The following CNTN2 variants were observed in gnomAD, a reference collection of about 807,000 sequenced individuals.
The protein encoded by CNTN2 is contactin-2.
In CNTN2, 53 loss-of-function variants were observed where a neutral mutation model predicts 117.5. The ratio of observed to expected loss-of-function variants is 0.45; its 90% confidence interval spans 0.36 to 0.57. The LOEUF is 0.57. CNTN2 is among the 20% of genes least tolerant of loss of function. CNTN2 has a pLI of 0.00. For synonymous variants in CNTN2, 530 were observed against 561.7 expected (o/e 0.94, Z 0.80); for missense variants, 1,106 against 1,404.3 (o/e 0.79, Z 3.39).
chr1:205,061,032 A>C lies in CNTN2; in HGVS notation c.798-213A>C. 1.9e-6 allele frequency: 1 copy of C among 536,822 alleles called. No homozygotes were observed. The highest frequency in any genetic ancestry group is 3.3e-6 in the Non-Finnish European group (1 of 305,244). 33.3% of individuals were successfully genotyped at this position (536,822 alleles called of 1,614,324 possible). On this transcript the variant is annotated intron_variant, in intron 7 of 22. Transcript: ENST00000331830. The surrounding 1 kb of genome is among the most constrained non-coding windows in gnomAD (Gnocchi z 4.8). ...CAGGGTTGTTGCAGGGGGGATGGGTAGAGCAGCCCTGCCTCTTGCCCCTTC... is the reference window on the plus strand; with the variant it reads ...CAGGGTTGTTGCAGGGGGGATGGGTCGAGCAGCCCTGCCTCTTGCCCCTTC...
chr1:205,058,236 G>A lies in CNTN2; in HGVS notation c.271G>A (p.Val91Met), dbSNP rs756428097. The A allele has an allele frequency of 4.9e-5, 77 of 1,564,868 alleles. No homozygotes were observed. The highest frequency in any genetic ancestry group is 1.5e-4 in the South Asian group (12 of 81,760). ...KLEPGSRHQLVGGNLVIMNPT... is the reference protein window; with the variant it reads ...KLEPGSRHQLMGGNLVIMNPT... ...GGAGCCAGGTTCCCGTCACCAGCTGGTGGGGGGCAACCTGGTCATCATGAA... is the reference window on the plus strand; with the variant it reads ...GGAGCCAGGTTCCCGTCACCAGCTGATGGGGGGCAACCTGGTCATCATGAA... The change falls in exon 4 of 23, where the codon GTG becomes ATG. Residue 91 changes from valine (V) to methionine (M), a missense_variant. Physicochemically the swap from Val to Met is conservative, Grantham distance 21. Coordinates refer to ENST00000331830, the MANE Select transcript of CNTN2 (RefSeq NM_005076.5). This position sits in a 1 kb window ranked among gnomAD's most constrained non-coding sequence, Gnocchi z 4.3.
rs1344189346 is a variant in CNTN2, at chr1:205,048,329, G to T, written c.-86-4771G>T. Among the ~76,000 whole-genome samples, 1 of 150,972 alleles carries T rather than the reference G, an allele frequency of 6.6e-6. No individual in the cohort carries two copies. The highest frequency in any genetic ancestry group is 1.5e-5 in the Non-Finnish European group (1 of 67,996). ...GGGCCTTATCCCAGAAAACCTTGTCGTGTGTTGGAGCCCCACTCATAGCCT... is the reference window on the plus strand; with the variant it reads ...GGGCCTTATCCCAGAAAACCTTGTCTTGTGTTGGAGCCCCACTCATAGCCT... On this transcript the variant is annotated intron_variant, in intron 1 of 22. Transcript: ENST00000331830. This position sits in a 1 kb window ranked among gnomAD's most constrained non-coding sequence, Gnocchi z 4.1.
At chr1:205,068,516 G>A (rs1214910961) in intron 16 of CNTN2, 2 of 152,210 alleles carry the variant, frequency 1.3e-5, no homozygotes, top group South Asian at 2.1e-4. Flanking sequence ...GAGAAATGAG[G>A]GGACTCCTTT....
chr1:205,068,689 T>G (rs913339182), intron 16 of CNTN2: 1 of 152,208 alleles, frequency 6.6e-6, no homozygotes, highest in Non-Finnish European at 1.5e-5. Context: ...TGGGCCTCAG[T>G]CTTTCCACCC....
At chr1:205,049,397 A>G (rs2096448380) in intron 1 of CNTN2, among the ~76,000 whole-genome samples, 1 of 151,800 alleles carries the variant, frequency 6.6e-6, no homozygotes, top group African/African-American at 2.4e-5. Flanking sequence ...ACACATATAT[A>G]CATATACATA....
rs543467450 is a variant in CNTN2 at position 205,058,460 on chromosome 1, C to G, written c.391+104C>G. Reference sequence around the variant, plus strand: ...ACACCCTCAAGCCGGGCCTTCCTGACCTCACATGACATGCCTTAGTGAACT... The same window carrying G: ...ACACCCTCAAGCCGGGCCTTCCTGAGCTCACATGACATGCCTTAGTGAACT... On this transcript the variant is annotated intron_variant, in intron 4 of 22. Transcript: ENST00000331830. This position sits in a 1 kb window ranked among gnomAD's most constrained non-coding sequence, Gnocchi z 4.3. 6.6e-4 allele frequency: 1,022 copies of G among 1,542,110 alleles called. 1 individual carries two copies. Among genetic ancestry groups the G allele is most frequent in the Non-Finnish European group, 8.6e-4 (971 of 1,127,088 alleles).
In CNTN2 at chr1:205,074,398, G is replaced by A. The variant is rs1480905197; in HGVS notation, c.*633G>A. 2 of 399,902 alleles carry A rather than the reference G, an allele frequency of 5.0e-6. No homozygotes were observed. Among genetic ancestry groups the A allele is most frequent in the Non-Finnish European group, 8.8e-6 (2 of 226,826 alleles). 24.8% of individuals were successfully genotyped at this position (399,902 alleles called of 1,614,324 possible). ...CCTGAGCCCCTTCAGCTTTGAGGGG[G>A]GTGATACTCCAGGCTGTTTGGGGTG... On this transcript the variant is annotated 3_prime_UTR_variant, in exon 23 of 23. Transcript: ENST00000331830.
Position 205,058,242 on chromosome 1 carries a change from G to A in CNTN2, c.277G>A (p.Gly93Ser). The A allele has an allele frequency of 1.3e-6, 2 of 1,560,410 alleles. No individual in the cohort carries two copies. Among genetic ancestry groups the A allele is most frequent in the African/African-American group, 1.4e-5 (1 of 73,408 alleles). Reference sequence around the variant, plus strand: ...AGGTTCCCGTCACCAGCTGGTGGGGGGCAACCTGGTCATCATGAACCCCAC... The same window carrying A: ...AGGTTCCCGTCACCAGCTGGTGGGGAGCAACCTGGTCATCATGAACCCCAC... ...EPGSRHQLVG[G>S]NLVIMNPTKA... Residue 93 changes from glycine (G) to serine (S), a missense_variant, in exon 4 of 23, where the codon GGC (glycine) becomes AGC (serine). Physicochemically the swap from Gly to Ser is moderately conservative, Grantham distance 56. Coordinates refer to ENST00000331830, the MANE Select transcript of CNTN2 (RefSeq NM_005076.5). This position sits in a 1 kb window ranked among gnomAD's most constrained non-coding sequence, Gnocchi z 4.3.
chr1:205,072,932 A>G, intron 21 of CNTN2, 136 bp from the exon 22 acceptor site: 1 of 900,780 alleles, frequency 1.1e-6, no homozygotes, highest in East Asian at 2.6e-5. Context: ...AGCTTTGTCA[A>G]TGGGGAGGAG....
intron 15 of CNTN2, 115 bp from the exon 16 acceptor site, chr1:205,066,986 T>C (rs1218098829): frequency 1.5e-6 from 2 of 1,305,300 alleles, no homozygotes; most frequent in Non-Finnish European, 2.1e-6. Flanking sequence ...GCTTAGTATA[T>C]GGCAAGTACC....
At chr1:205,069,180 C>T (rs1654453336) in intron 16 of CNTN2, 2 of 353,836 alleles carry the variant, frequency 5.7e-6, no homozygotes, top group African/African-American at 2.1e-5. Flanking sequence ...TACTAACCAC[C>T]GTCTTGTCTA....
Position 205,072,057 on chromosome 1 carries a change from T to C in CNTN2, c.2655T>C (p.His885=), listed in dbSNP as rs759745695. 4.3e-6 allele frequency: 7 copies of C among 1,614,110 alleles called. No homozygotes were observed. In the African/African-American group the frequency reaches 8.0e-5, roughly 18 times the overall value. ...VSGLHPNTKY[H]VTVRAYNRAG... Reference sequence around the variant, plus strand: ...GCCTGCATCCCAACACCAAGTACCATGTGACCGTGAGGGCCTACAACCGGG... The same window carrying C: ...GCCTGCATCCCAACACCAAGTACCACGTGACCGTGAGGGCCTACAACCGGG... Residue 885 remains histidine, a synonymous_variant, in exon 20 of 23, where the codon CAT becomes CAC. Coordinates refer to ENST00000331830, the MANE Select transcript of CNTN2 (RefSeq NM_005076.5).
At chr1:205,053,684 G>A (rs531875090) in intron 2 of CNTN2, among the ~76,000 whole-genome samples, 6 of 152,264 alleles carry the variant, frequency 3.9e-5, no homozygotes, top group South Asian at 2.1e-4. Context: ...CATTTCGAAC[G>A]TTCAGTAGCC....
chr1:205,057,980 C>A lies in CNTN2; in HGVS notation c.130C>A (p.Leu44Ile). Residue 44 changes from leucine to isoleucine, a missense_variant, in exon 3 of 23, where the codon CTC (leucine) becomes ATC (isoleucine). By Grantham distance (5) the Leu-to-Ile change is conservative. Transcript: ENST00000331830. The stretch of plus-strand genomic sequence containing the variant: ...CGGGCCTGTCTTTGAAGACCAGCCC[C>A]TCAGTGTGCTATTCCCAGAGGAGTC... ...TFGPVFEDQP[L>I]SVLFPEESTE... The A allele has an allele frequency of 1.2e-6, 2 of 1,614,192 alleles. No individual in the cohort carries two copies. Among genetic ancestry groups the A allele is most frequent in the South Asian group, 1.1e-5 (1 of 91,088 alleles).
At chr1:205,072,990 C>T in intron 21 of CNTN2, 78 bp from the exon 22 acceptor site, 5 of 1,513,430 alleles carry the variant, frequency 3.3e-6, no homozygotes, top group Non-Finnish European at 3.6e-6. Context: ...GGGTCTCCTC[C>T]CAGTACCTAA....
intron 2 of CNTN2, among the ~76,000 whole-genome samples, chr1:205,055,455 G>A (rs1234737475): frequency 2.0e-5 from 3 of 152,202 alleles, no homozygotes; most frequent in African/African-American, 7.2e-5. Context: ...CCTGCATGGA[G>A]GTGGTACTAC....
chr1:205,062,370 C>A (rs536703590), intron 9 of CNTN2, 70 bp from the exon 10 acceptor site: 3 of 1,544,028 alleles, frequency 1.9e-6, no homozygotes, highest in Non-Finnish European at 2.6e-6. Context: ...CTGCTCCCAC[C>A]CCTGCCAACC....
At position 205,069,501 on chromosome 1, in the gene CNTN2, G is replaced by A; in HGVS notation, c.2136G>A (p.Val712=). The change falls in exon 17 of 23, where the codon GTG becomes GTA. Residue 712 remains valine (V), a synonymous_variant. Transcript: ENST00000331830. ...KIRTREAAPS[V]APSGLSGGGG... ...CTTGGCCCTTGACAGCCCCCTCGGT[G>A]GCACCCTCAGGACTCAGCGGAGGAG... 1 of 1,614,064 alleles carries A rather than the reference G, an allele frequency of 6.2e-7. No homozygotes were observed.
rs534584312 is a variant in CNTN2, at chr1:205,048,637, C to G, written c.-86-4463C>G. Among the ~76,000 whole-genome samples, 2 of 152,346 alleles carry G rather than the reference C, an allele frequency of 1.3e-5. No homozygotes were observed. The highest frequency in any genetic ancestry group is 6.5e-5 in the Admixed American group (1 of 15,312). On this transcript the variant is annotated intron_variant, in intron 1 of 22. Coordinates refer to ENST00000331830, the MANE Select transcript of CNTN2 (RefSeq NM_005076.5). This position sits in a 1 kb window ranked among gnomAD's most constrained non-coding sequence, Gnocchi z 4.1. ...CCAGCCTTGCTCCTGACAAAAAGGC[C>G]TCCTCCATCCTGGGCATTCTAGAAC... is the stretch of plus-strand genomic sequence containing the variant.
Sources: allele counts gnomAD v4.1 joint callset (sites outside exome capture counted in the v4.1 genomes callset), GRCh38; gene constraint gnomAD v4.1.1; non-coding constraint Gnocchi (gnomAD v3.1); transcripts MANE v1.5; gene names NCBI Gene and HGNC (gene_info 2026-07-23, HGNC 2026-07-21).